PDE4B: variants seen among roughly 807,000 people sequenced by gnomAD.
The protein encoded by PDE4B is phosphodiesterase 4B, also known as 3',5'-cyclic-AMP phosphodiesterase 4B.
In PDE4B, 20 loss-of-function variants were observed where a neutral mutation model predicts 82.2. The ratio of observed to expected loss-of-function variants is 0.24; its 90% CI spans 0.17 to 0.35. PDE4B has a LOEUF of 0.35. Among genes scored for constraint, PDE4B ranks in the 10% least tolerant of loss-of-function variants. The pLI is 1.00. For missense variants in PDE4B, 655 were observed against 907.2 expected (o/e 0.72, Z 3.57); for synonymous variants, 320 against 318.9 (o/e 1.00, Z -0.04).
At chr1:65,987,140 G>T (rs1650995867) in intron 3 of PDE4B, among the ~76,000 whole-genome samples, 1 of 152,132 alleles carries the variant, frequency 6.6e-6, no homozygotes, top group Non-Finnish European at 1.5e-5. Context: ...GTGATGAGGT[G>T]TCATTGGAGG....
chr1:66,371,164 C>T (rs1463162356), intron 16 of PDE4B, among the ~76,000 whole-genome samples: 3 of 128,616 alleles, frequency 2.3e-5, no homozygotes, highest in Non-Finnish European at 4.8e-5. Flanking sequence ...CACATATGAC[C>T]AAAGTTCTTG....
chr1:66,021,033 T>C (rs1172292620), intron 3 of PDE4B, among the ~76,000 whole-genome samples: 1 of 152,216 alleles, frequency 6.6e-6, no homozygotes. Flanking sequence ...TGGTATCTCA[T>C]TGTGGTTTTG....
intron 3 of PDE4B, among the ~76,000 whole-genome samples, chr1:66,092,977 G>C (rs1056220362): frequency 2.0e-5 from 3 of 152,086 alleles, no homozygotes; most frequent in Non-Finnish European, 2.9e-5. Flanking sequence ...CGGAAATGTG[G>C]TTCATAGTTA....
intron 3 of PDE4B, among the ~76,000 whole-genome samples, chr1:66,003,512 A>G (rs773115044): frequency 6.6e-6 from 1 of 152,194 alleles, no homozygotes; most frequent in African/African-American, 2.4e-5. Flanking sequence ...TTAAAAGCCA[A>G]TATAGGATTC....
chr1:66,106,451 A>G (rs1557565340), intron 3 of PDE4B, among the ~76,000 whole-genome samples: 1 of 152,100 alleles, frequency 6.6e-6, no homozygotes. Context: ...TGCTGGCCTC[A>G]TAAAATGAGT....
chr1:65,960,676 A>G (rs1649501390), intron 3 of PDE4B, among the ~76,000 whole-genome samples: 1 of 152,144 alleles, frequency 6.6e-6, no homozygotes, highest in Admixed American at 6.6e-5. Context: ...AATAATGACC[A>G]TATTTTTAAA....
intron 1 of PDE4B, among the ~76,000 whole-genome samples, chr1:65,888,212 C>A (rs918668128): frequency 6.6e-6 from 1 of 152,114 alleles, no homozygotes; most frequent in Non-Finnish European, 1.5e-5. Context: ...AATGTTCTTT[C>A]TCCAATATAT....
rs17128547 is a variant in PDE4B at position 66,217,739 on chromosome 1, C to T, written c.282-29721C>T. ...ATCCATCAAGGCCTAGGTTCTGTTG[C>T]GCAATTATTATTTATTATCTACTGA... On this transcript the variant is annotated intron_variant, in intron 3 of 16. Transcript: ENST00000341517. Among the ~76,000 whole-genome samples, 946 of 152,086 alleles carry T rather than the reference C, an allele frequency of 6.2e-3. 9 individuals are homozygous for T. The highest frequency in any genetic ancestry group is 0.022 in the African/African-American group (894 of 41,462).
intron 3 of PDE4B, among the ~76,000 whole-genome samples, chr1:66,167,939 A>G (rs1403401153): frequency 6.6e-6 from 1 of 152,198 alleles, no homozygotes; most frequent in Non-Finnish European, 1.5e-5. Context: ...ATATGCACCA[A>G]TGCCTCTCTC....
rs181862204 is a variant in PDE4B, at chr1:65,996,398, T to C, written c.281+77563T>C. On this transcript the variant is annotated intron_variant, in intron 3 of 16. Coordinates refer to ENST00000341517, the MANE Select transcript of PDE4B (RefSeq NM_002600.4). ...TTAATAAAAAAGATGCGTAAGAGCC[T>C]GCATGAATCTGAAGATCATTATTAA... 1.1e-4 allele frequency among the ~76,000 whole-genome samples: 16 copies of C among 152,070 alleles called. No homozygotes were observed. The East Asian group carries it at 2.9e-3, about 27-fold the overall frequency.
intron 3 of PDE4B, among the ~76,000 whole-genome samples, chr1:66,173,137 C>A (rs983442976): frequency 6.6e-6 from 1 of 151,996 alleles, no homozygotes; most frequent in African/African-American, 2.4e-5. Flanking sequence ...GATAAGTAGG[C>A]CATAAGTAAA....
chr1:66,040,898 A>G (rs530805900), intron 3 of PDE4B, among the ~76,000 whole-genome samples: 3 of 151,942 alleles, frequency 2.0e-5, no homozygotes, highest in Non-Finnish European at 4.4e-5. Flanking sequence ...AGTAGGAAAG[A>G]CAAAATCGTA....
At chr1:66,181,929 A>G (rs1647072122) in intron 3 of PDE4B, among the ~76,000 whole-genome samples, 1 of 152,168 alleles carries the variant, frequency 6.6e-6, no homozygotes. Context: ...TTAAAAAAAT[A>G]GAGGGAAAAA....
At position 65,883,406 on chromosome 1, in the gene PDE4B, C is replaced by G. The variant is rs563175153; in HGVS notation, c.-70-29839C>G. Reference sequence around the variant, plus strand: ...AAGTTAGATTCCTAGGTATTTTATTCTCTTTGAAGCAATTGTGAATGGGAG... The same window carrying G: ...AAGTTAGATTCCTAGGTATTTTATTGTCTTTGAAGCAATTGTGAATGGGAG... On this transcript the variant is annotated intron_variant, in intron 1 of 16. Transcript: ENST00000341517. 2.0e-4 allele frequency among the ~76,000 whole-genome samples: 30 copies of G among 152,196 alleles called. 1 individual carries two copies. In the South Asian group the frequency reaches 5.0e-3, roughly 25 times the overall value.
At chr1:66,365,644 A>G in intron 12 of PDE4B, 23 bp from the exon 13 acceptor site, 4 of 1,438,398 alleles carry the variant, frequency 2.8e-6, no homozygotes, top group Non-Finnish European at 3.9e-6. Flanking sequence ...ATGTGTAGTT[A>G]AATGTGTTTA....
intron 3 of PDE4B, among the ~76,000 whole-genome samples, chr1:66,218,881 A>T (rs1021062745): frequency 3.3e-5 from 5 of 152,152 alleles, no homozygotes; most frequent in African/African-American, 1.2e-4. Context: ...GCTATCTTTA[A>T]AAAAGCTGTT....
At chr1:66,126,010 T>C (rs1645815076) in intron 3 of PDE4B, among the ~76,000 whole-genome samples, 1 of 152,184 alleles carries the variant, frequency 6.6e-6, no homozygotes, top group Non-Finnish European at 1.5e-5. Flanking sequence ...TTCACCATGT[T>C]GGCCAGGCTG....
chr1:66,096,342 T>A (rs190095672), intron 3 of PDE4B, among the ~76,000 whole-genome samples: 56 of 151,380 alleles, frequency 3.7e-4, no homozygotes, highest in Non-Finnish European at 5.8e-4. Flanking sequence ...ATAAACAGTA[T>A]CAACTTTAAA....
chr1:66,177,246 TC>T (rs1464336029), intron 3 of PDE4B, among the ~76,000 whole-genome samples: 1 of 152,188 alleles, frequency 6.6e-6, no homozygotes, highest in Non-Finnish European at 1.5e-5. Flanking sequence ...CTCCCTCTTG[TC>T]CCATGTTACC....
Sources: allele counts gnomAD v4.1 joint callset (sites outside exome capture counted in the v4.1 genomes callset), GRCh38; gene constraint gnomAD v4.1.1; transcripts MANE v1.5; gene names NCBI Gene and HGNC (gene_info 2026-07-23, HGNC 2026-07-21).